Variants in KLHL22 observed in about 807,000 individuals in gnomAD.
KLHL22 encodes the protein kelch like family member 22, also known as kelch-like protein 22.
A neutral mutation model predicts 60.7 loss-of-function variants in KLHL22; 18 were observed. The ratio of observed to expected loss-of-function variants is 0.30; its 90% CI spans 0.20 to 0.44. The LOEUF (loss-of-function observed/expected upper bound fraction) is 0.44, where lower values mean the gene tolerates loss of function less well. KLHL22 is among the 20% of genes least tolerant of loss of function. KLHL22 has a pLI of 1.00. For missense variants in KLHL22, 596 were observed against 852.3 expected (o/e 0.70, Z 3.74); for synonymous variants, 355 against 354.5 (o/e 1.00, Z -0.01).
At chr22:20,446,343 C>A in intron 6 of KLHL22, 100 bp downstream of exon 6, 1 of 779,016 alleles carries the variant, frequency 1.3e-6, no homozygotes, top group Non-Finnish European at 2.2e-6. Flanking sequence ...AAAAAATAGT[C>A]TATTTTTAAA....
intron 3 of KLHL22, 76 bp downstream of exon 3, chr22:20,471,274 C>G: frequency 3.5e-6 from 5 of 1,413,354 alleles, no homozygotes; most frequent in Non-Finnish European, 4.9e-6. Flanking sequence ...AATGCTAGTG[C>G]CCGGCAGGCA....
At chr22:20,443,271 G>T (rs758290482) in intron 6 of KLHL22, among the ~76,000 whole-genome samples, 1 of 152,044 alleles carries the variant, frequency 6.6e-6, no homozygotes, top group Non-Finnish European at 1.5e-5. Flanking sequence ...GGCCCCCAAA[G>T]ATGTCTAGTT....
chr22:20,474,461 G>A (rs918933833), intron 2 of KLHL22, among the ~76,000 whole-genome samples: 4 of 151,986 alleles, frequency 2.6e-5, no homozygotes, highest in East Asian at 1.9e-4. Context: ...GTGCAATCTC[G>A]GCTCACTGCA....
intron 2 of KLHL22, among the ~76,000 whole-genome samples, chr22:20,478,468 G>A (rs1049947280): frequency 6.9e-6 from 1 of 144,948 alleles, no homozygotes. Flanking sequence ...GCCTCCCAAA[G>A]TGCTGGGATT....
At chr22:20,442,525 C>T in intron 6 of KLHL22, 87 bp from the exon 7 acceptor site, 1 of 1,452,304 alleles carries the variant, frequency 6.9e-7, no homozygotes. Flanking sequence ...AAGGTGGCAA[C>T]AGTTACCCAC....
At chr22:20,475,635 C>T (rs2053399856) in intron 2 of KLHL22, among the ~76,000 whole-genome samples, 1 of 151,908 alleles carries the variant, frequency 6.6e-6, no homozygotes, top group African/African-American at 2.4e-5. Context: ...GATCTCGGCT[C>T]ACCACAACCT....
At chr22:20,477,105 CT>C (rs1368870261) in intron 2 of KLHL22, among the ~76,000 whole-genome samples, 1 of 151,836 alleles carries the variant, frequency 6.6e-6, no homozygotes, top group Non-Finnish European at 1.5e-5. Flanking sequence ...TAAGATTAGA[CT>C]GGGCAGCCAG....
In KLHL22 at chr22:20,451,310, G is replaced by T. The variant is rs530473249; in HGVS notation, c.1306-4634C>A. ...AGCAGGCGTCACACCAGTATGGAGC[G>T]GTATGATCCAAACATTGACCAGAGG... is the stretch of plus-strand genomic sequence containing the variant. On this transcript the variant is annotated intron_variant, in intron 5 of 6. Transcript: ENST00000328879. 9 of 1,607,466 alleles carry T rather than the reference G, an allele frequency of 5.6e-6. No homozygotes were observed. In the East Asian group the frequency reaches 1.3e-4, roughly 24 times the overall value.
intron 3 of KLHL22, among the ~76,000 whole-genome samples, chr22:20,470,839 C>CATGG (rs1238537605): frequency 2.3e-5 from 3 of 128,534 alleles, no homozygotes; most frequent in Non-Finnish European, 4.8e-5. Flanking sequence ...TGCATGCATG[C>CATGG]ATGGATGGAT....
intron 5 of KLHL22, chr22:20,456,106 G>A (rs2053058721): frequency 1.3e-5 from 2 of 152,290 alleles, no homozygotes; most frequent in African/African-American, 2.4e-5. Flanking sequence ...TAAATGGCAG[G>A]TCTAATTGAC....
intron 6 of KLHL22, among the ~76,000 whole-genome samples, chr22:20,445,431 C>T (rs2052843245): frequency 6.6e-6 from 1 of 152,140 alleles, no homozygotes. Context: ...TGGTCTTGAA[C>T]TCCTGACCTC....
chr22:20,453,367 G>A (rs1444953876), intron 5 of KLHL22, among the ~76,000 whole-genome samples: 2 of 151,510 alleles, frequency 1.3e-5, no homozygotes, highest in African/African-American at 4.9e-5. Context: ...TTTTGCCGAC[G>A]CATGTCTAAT....
chr22:20,450,650 A>G lies in KLHL22; in HGVS notation c.1306-3974T>C, dbSNP rs2052962442. 2.5e-6 allele frequency: 4 copies of G among 1,574,052 alleles called. No homozygotes were observed. In the African/African-American group the frequency reaches 5.4e-5, roughly 21 times the overall value. On this transcript the variant is annotated intron_variant, in intron 5 of 6. Transcript: ENST00000328879. ...GAGTTCATTCTTCTGAGGCAAGGAGAGGTGGAAAAGCTAATCAAGTGCGAT... is the reference window on the plus strand; with the variant it reads ...GAGTTCATTCTTCTGAGGCAAGGAGGGGTGGAAAAGCTAATCAAGTGCGAT...
intron 5 of KLHL22, among the ~76,000 whole-genome samples, chr22:20,453,689 T>C (rs1366368570): frequency 6.6e-6 from 1 of 152,200 alleles, no homozygotes; most frequent in Non-Finnish European, 1.5e-5. Context: ...ATGTCACAAG[T>C]AAAATCAAAT....
intron 3 of KLHL22, among the ~76,000 whole-genome samples, chr22:20,468,507 G>A (rs1239752962): frequency 2.0e-5 from 3 of 152,188 alleles, no homozygotes; most frequent in South Asian, 2.1e-4. Context: ...TGGGGACACC[G>A]TGAAGAATCT....
chr22:20,452,243 C>T (rs1318821731), intron 5 of KLHL22, among the ~76,000 whole-genome samples: 2 of 151,512 alleles, frequency 1.3e-5, no homozygotes, highest in African/African-American at 2.4e-5. Context: ...TTTAAGTAAA[C>T]TTGGTAAAAT....
chr22:20,457,790 C>A lies in KLHL22; in HGVS notation c.1305+18G>T. 6.4e-7 allele frequency: 1 copy of A among 1,567,428 alleles called. No homozygotes were observed. The highest frequency in any genetic ancestry group is 1.2e-5 in the South Asian group (1 of 86,068). On this transcript the variant is annotated intron_variant, in intron 5 of 6. Coordinates refer to ENST00000328879, the MANE Select transcript of KLHL22 (RefSeq NM_032775.4). The stretch of plus-strand genomic sequence containing the variant: ...GGAAATTAGGCAGGAGAAGGCCCCT[C>A]TTCGAGGGCTTCCTTACCTCCCTCT...
intron 2 of KLHL22, chr22:20,482,934 G>C: frequency 1.0e-6 from 1 of 969,662 alleles, no homozygotes; most frequent in African/African-American, 1.6e-5. Flanking sequence ...GCATCACCAA[G>C]ACTGAAGTCC....
intron 3 of KLHL22, among the ~76,000 whole-genome samples, chr22:20,470,902 A>G (rs5754388): frequency 0.071 from 10,778 of 152,232 alleles, 863 homozygotes; most frequent in East Asian, 0.46. Flanking sequence ...ACAAATAGAT[A>G]GATAAAGTTC....
Sources: allele counts gnomAD v4.1 joint callset (sites outside exome capture counted in the v4.1 genomes callset), GRCh38; gene constraint gnomAD v4.1.1; transcripts MANE v1.5; gene names NCBI Gene and HGNC (gene_info 2026-07-23, HGNC 2026-07-21).